NUP188: variants seen among roughly 807,000 people sequenced by gnomAD.
NUP188 encodes the protein nucleoporin NUP188.
Under a neutral mutation model 223.0 loss-of-function variants are expected in NUP188, and 97 were observed. That is an observed-to-expected ratio of 0.43 (90% confidence interval 0.37 to 0.51). The LOEUF is 0.51. Among genes scored for constraint, NUP188 ranks in the 20% least tolerant of loss-of-function variants. The probability of loss-of-function intolerance (pLI) is 0.00; values close to 1 mark genes in which losing one functional copy is unlikely to be tolerated. For missense variants in NUP188, 1,947 were observed against 2,175.6 expected (o/e 0.89, Z 2.09); for synonymous variants, 869 against 828.0 (o/e 1.05, Z -0.85).
chr9:128,997,189 G>T (rs183828254), intron 30 of NUP188, among the ~76,000 whole-genome samples: 1 of 152,286 alleles, frequency 6.6e-6, no homozygotes, highest in East Asian at 1.9e-4. Flanking sequence ...AGAAGTCTAG[G>T]CAGATGGACT....
At position 128,999,175 on chromosome 9, in the gene NUP188, G is replaced by A. The variant is rs747181369; in HGVS notation, c.3519G>A (p.Glu1173=). ...LLILLRQWKR[E]LGSVDEILGP... The stretch of plus-strand genomic sequence containing the variant: ...GCCCACCCAGTATTCTTTCTAGAGA[G>A]TTAGGTTCTGTGGATGAAATCCTTG... The change falls in exon 33 of 44, where the codon GAG becomes GAA. Residue 1173 remains glutamate, a synonymous_variant. Transcript: ENST00000372577. 2 of 1,613,978 alleles carry A rather than the reference G, an allele frequency of 1.2e-6. No individual in the cohort carries two copies. The highest frequency in any genetic ancestry group is 1.7e-6 in the Non-Finnish European group (2 of 1,179,936).
chr9:129,001,380 G>A (rs1037298542), intron 34 of NUP188, 149 bp from the exon 35 acceptor site: 9 of 666,040 alleles, frequency 1.4e-5, no homozygotes, highest in Non-Finnish European at 2.4e-5. Flanking sequence ...GGGGCAGGGT[G>A]GGAGAGAGTG....
chr9:128,999,559 A>G (rs949180836), intron 33 of NUP188, 65 bp from the exon 34 acceptor site: 35 of 1,524,872 alleles, frequency 2.3e-5, no homozygotes, highest in Non-Finnish European at 3.1e-5. Context: ...TAGGAAGGAA[A>G]CCTTGGTGTA....
chr9:129,006,611 C>T lies in NUP188; in HGVS notation c.5183C>T (p.Ala1728Val). Reference protein sequence around the residue: ...PQGKSTSLSKASPESQEPLIQ... With the variant: ...PQGKSTSLSKVSPESQEPLIQ... Reference sequence around the variant, plus strand: ...GGCAAGTCCACCTCTCTCTCCAAAGCCAGCCCTGAGAGTCAGGAGCCTCTG... The same window carrying T: ...GGCAAGTCCACCTCTCTCTCCAAAGTCAGCCCTGAGAGTCAGGAGCCTCTG... The change falls in exon 44 of 44, where the codon GCC (alanine) becomes GTC (valine). Residue 1728 changes from alanine to valine, a missense_variant. Transcript: ENST00000372577. 1 of 1,614,204 alleles carries T rather than the reference C, an allele frequency of 6.2e-7. No individual in the cohort carries two copies. Among genetic ancestry groups the T allele is most frequent in the Non-Finnish European group, 8.5e-7 (1 of 1,180,038 alleles).
intron 8 of NUP188, among the ~76,000 whole-genome samples, chr9:128,960,181 A>G (rs1188714853): frequency 6.8e-6 from 1 of 147,540 alleles, no homozygotes; most frequent in African/African-American, 2.5e-5. Flanking sequence ...CTCCTGCCTC[A>G]GCCTCCCGAG....
Position 128,970,792 on chromosome 9 carries a change from T to C in NUP188, c.947T>C (p.Ile316Thr), listed in dbSNP as rs753904861. The C allele has an allele frequency of 5.1e-5, 82 of 1,614,066 alleles. No individual in the cohort carries two copies. Among genetic ancestry groups the C allele is most frequent in the Non-Finnish European group, 6.5e-5 (77 of 1,180,048 alleles). The change falls in exon 11 of 44, where the codon ATT becomes ACT. Residue 316 changes from isoleucine to threonine, a missense_variant. Coordinates refer to ENST00000372577, the MANE Select transcript of NUP188 (RefSeq NM_015354.3). ...MDCLMLTFGD[I>T]PHHAPVLLAW... ...TGTTTAATGTTGACCTTTGGGGACA[T>C]TCCACATCATGCCCCAGTGCTTTTG...
At chr9:129,005,875 C>G in intron 41 of NUP188, 99 bp downstream of exon 41, 1 of 1,468,808 alleles carries the variant, frequency 6.8e-7, no homozygotes, top group South Asian at 1.3e-5. Flanking sequence ...GGTACCTAGC[C>G]TCCCAAGCCT....
In NUP188 at chr9:129,001,683, C is replaced by G. The variant is rs1429988782; in HGVS notation, c.3998C>G (p.Thr1333Ser). The change falls in exon 35 of 44, where the codon ACT (threonine) becomes AGT (serine). Residue 1333 changes from threonine to serine, a missense_variant. Physicochemically the swap from Thr to Ser is moderately conservative, Grantham distance 58. This residue lies in a region of NUP188 where 905 missense variants were observed against 990.6 expected (regional missense o/e 0.91). Coordinates refer to ENST00000372577, the MANE Select transcript of NUP188 (RefSeq NM_015354.3). ...SLRMKQNLHF[T>S]EATLHLLLTL... ...CGCATGAAGCAGAACCTGCATTTCACTGAGGCCACATTGCATCTGCTCCTC... is the reference window on the plus strand; with the variant it reads ...CGCATGAAGCAGAACCTGCATTTCAGTGAGGCCACATTGCATCTGCTCCTC... The G allele has an allele frequency of 3.1e-6, 5 of 1,613,920 alleles. No homozygotes were observed. The African/African-American group carries it at 4.0e-5, about 13-fold the overall frequency.
At chr9:128,960,997 T>G (rs569562482) in intron 8 of NUP188, among the ~76,000 whole-genome samples, 1 of 149,854 alleles carries the variant, frequency 6.7e-6, no homozygotes. Flanking sequence ...GAGTGGGAGA[T>G]TCACTTGAGC....
At chr9:128,958,706 T>C in intron 6 of NUP188, 96 bp from the exon 7 acceptor site, 1 of 574,894 alleles carries the variant, frequency 1.7e-6, no homozygotes, top group Non-Finnish European at 2.9e-6. Context: ...ATTGAACTTT[T>C]CCATCCACAT....
At chr9:128,982,803 A>AT in intron 16 of NUP188, 99 bp from the exon 17 acceptor site, 1 of 1,588,562 alleles carries the variant, frequency 6.3e-7, no homozygotes, top group Non-Finnish European at 8.6e-7. Flanking sequence ...AACCATCAAG[A>AT]TTGTGATTTG....
chr9:129,004,304 A>C (rs561266514), intron 38 of NUP188, among the ~76,000 whole-genome samples: 17 of 151,530 alleles, frequency 1.1e-4, no homozygotes, highest in Non-Finnish European at 2.4e-4. Context: ...AAAAAACTAA[A>C]CTAAACAAAA....
chr9:128,970,959 G>T lies in NUP188; in HGVS notation c.1113+1G>T. Reference sequence around the variant, plus strand: ...GTCCCTTGCCAGTGGGGGAAATGATGTGAGTTTAAGGCTCTGGGTGGTGAG... The same window carrying T: ...GTCCCTTGCCAGTGGGGGAAATGATTTGAGTTTAAGGCTCTGGGTGGTGAG... On this transcript the variant is annotated splice_donor_variant, in intron 11 of 43. Coordinates refer to ENST00000372577, the MANE Select transcript of NUP188 (RefSeq NM_015354.3). LOFTEE classifies it high-confidence loss of function. 6.2e-7 allele frequency: 1 copy of T among 1,612,688 alleles called. No individual in the cohort carries two copies. The highest frequency in any genetic ancestry group is 8.5e-7 in the Non-Finnish European group (1 of 1,178,730).
chr9:128,987,947 A>C lies in NUP188; in HGVS notation c.2394-100A>C. The C allele has an allele frequency of 3.6e-6, 5 of 1,395,522 alleles. No homozygotes were observed. The South Asian group carries it at 6.5e-5, about 18-fold the overall frequency. 86.4% of individuals were successfully genotyped at this position (1,395,522 alleles called of 1,614,324 possible). Reference sequence around the variant, plus strand: ...CTGGGGCCTCTAACAGAAGCTGTTGAACTCTGGGATTATTGTTGGAATCTA... The same window carrying C: ...CTGGGGCCTCTAACAGAAGCTGTTGCACTCTGGGATTATTGTTGGAATCTA... On this transcript the variant is annotated intron_variant, in intron 23 of 43. Coordinates refer to ENST00000372577, the MANE Select transcript of NUP188 (RefSeq NM_015354.3).
In NUP188 at chr9:128,988,719, ATTTTTTTTTTTT is replaced by A. The variant is rs528821221; in HGVS notation, c.2533+549_2533+560del. 5.7e-3 allele frequency among the ~76,000 whole-genome samples: 414 copies of A among 72,890 alleles called. 2 individuals carry two copies. Among genetic ancestry groups the A allele is most frequent in the African/African-American group, 0.017 (378 of 21,890 alleles). 47.8% of individuals were successfully genotyped at this position (72,890 alleles called of 152,430 possible). ...ATTCCAGATTTTTTTTAATTTTTTA[ATTTTTTTTTTTT>A]TTTTTTTTTTTTTTTGAGACAGTCT... On this transcript the variant is annotated intron_variant, in intron 24 of 43. Coordinates refer to ENST00000372577, the MANE Select transcript of NUP188 (RefSeq NM_015354.3).
intron 12 of NUP188, among the ~76,000 whole-genome samples, chr9:128,978,793 T>C (rs1027151413): frequency 5.3e-5 from 8 of 152,108 alleles, no homozygotes; most frequent in Non-Finnish European, 1.2e-4. Flanking sequence ...CACTGCTACC[T>C]CCATTGCCTG....
rs562785472 is a variant in NUP188 at position 129,002,913 on chromosome 9, C to T, written c.4234C>T (p.Arg1412Cys). ...GATGGAGCAGCTGCTCAAAACTCTG[C>T]GCTACAACTTCCTGCCTGAGGCCCT... is the stretch of plus-strand genomic sequence containing the variant. ...SLMEQLLKTL[R>C]YNFLPEALDF... The change falls in exon 37 of 44, where the codon CGC becomes TGC. Residue 1412 changes from arginine to cysteine, a missense_variant. Coordinates refer to ENST00000372577, the MANE Select transcript of NUP188 (RefSeq NM_015354.3). The T allele has an allele frequency of 3.2e-5, 51 of 1,614,234 alleles. No individual in the cohort carries two copies. Among genetic ancestry groups the T allele is most frequent in the South Asian group, 2.5e-4 (23 of 91,090 alleles).
chr9:129,003,669 T>A, intron 38 of NUP188: 1 of 659,758 alleles, frequency 1.5e-6, no homozygotes, highest in South Asian at 1.6e-5. Flanking sequence ...TTTGGACTTT[T>A]ATCAGTTAGA....
rs1297646936 is a variant in NUP188 at position 129,003,399 on chromosome 9, C to T, written c.4379C>T (p.Ser1460Phe). The change falls in exon 38 of 44, where the codon TCT becomes TTT. Residue 1460 changes from serine to phenylalanine, a missense_variant. This residue lies in a region of NUP188 where 905 missense variants were observed against 990.6 expected (regional missense o/e 0.91). Coordinates refer to ENST00000372577, the MANE Select transcript of NUP188 (RefSeq NM_015354.3). ...DHTVGFILQL[S>F]NFMKEWHFHL... The stretch of plus-strand genomic sequence containing the variant: ...ACCGTGGGTTTTATTCTGCAGCTCT[C>T]TAACTTCATGAAGGAGTGGCACTTC... 1 of 1,613,406 alleles carries T rather than the reference C, an allele frequency of 6.2e-7. No homozygotes were observed. Among genetic ancestry groups the T allele is most frequent in the South Asian group, 1.1e-5 (1 of 91,082 alleles).
Sources: allele counts gnomAD v4.1 joint callset (sites outside exome capture counted in the v4.1 genomes callset), GRCh38; gene constraint gnomAD v4.1.1; regional missense constraint gnomAD v4.1.1; transcripts MANE v1.5; gene names NCBI Gene and HGNC (gene_info 2026-07-23, HGNC 2026-07-21).